SVIL: variants seen among roughly 807,000 people sequenced by gnomAD.
SVIL encodes supervillin, also known as archvillin.
A neutral mutation model predicts 240.4 loss-of-function variants in SVIL; 101 were observed. The observed-to-expected ratio is 0.42, with a 90% CI of 0.36 to 0.50. The LOEUF is 0.50. Among genes scored for constraint, SVIL ranks in the 20% least tolerant of loss-of-function variants. The pLI is 0.01. For synonymous variants in SVIL, 999 were observed against 1,100.0 expected (o/e 0.91, Z 1.82); for missense variants, 2,512 against 2,818.7 (o/e 0.89, Z 2.46).
At chr10:29,538,359 A>G (rs1951884247) in intron 6 of SVIL, among the ~76,000 whole-genome samples, 2 of 152,250 alleles carry the variant, frequency 1.3e-5, no homozygotes, top group South Asian at 2.1e-4. Flanking sequence ...CACCTGAAAT[A>G]TGAAACCAGC....
chr10:29,466,151 T>A (rs1944885417), intron 33 of SVIL, among the ~76,000 whole-genome samples: 1 of 151,962 alleles, frequency 6.6e-6, no homozygotes, highest in Admixed American at 6.6e-5. Context: ...AAAAAATATA[T>A]ATAGATACTG....
rs576319353 is a variant in SVIL, at chr10:29,484,333, T to A, written c.4955+323A>T. Among the ~76,000 whole-genome samples, 1 of 152,300 alleles carries A rather than the reference T, an allele frequency of 6.6e-6. No homozygotes were observed. The highest frequency in any genetic ancestry group is 2.1e-4 in the South Asian group (1 of 4,830). On this transcript the variant is annotated intron_variant, in intron 27 of 37. Coordinates refer to ENST00000355867, the MANE Select transcript of SVIL (RefSeq NM_021738.3). This position sits in a 1 kb window ranked among gnomAD's most constrained non-coding sequence, Gnocchi z 4.7. ...CCCGGGGAAGCCTTTCAGATCCGCATGTAATTTGTTTAAACAATTGCTGTT... is the reference window on the plus strand; with the variant it reads ...CCCGGGGAAGCCTTTCAGATCCGCAAGTAATTTGTTTAAACAATTGCTGTT...
At chr10:29,648,695 C>A (rs998060119) in intron 3 of SVIL, among the ~76,000 whole-genome samples, 3 of 152,134 alleles carry the variant, frequency 2.0e-5, no homozygotes, top group African/African-American at 2.4e-5. Flanking sequence ...GAAAGCCCTG[C>A]AGCCAAGATA....
At chr10:29,614,638 ACAT>A (rs1328277562) in intron 1 of SVIL, among the ~76,000 whole-genome samples, 1 of 152,182 alleles carries the variant, frequency 6.6e-6, no homozygotes, top group Non-Finnish European at 1.5e-5. Flanking sequence ...AGGGAGGGAA[ACAT>A]CATACACCGG....
chr10:29,597,837 C>T (rs57619104), intron 1 of SVIL, among the ~76,000 whole-genome samples: 4,153 of 151,908 alleles, frequency 0.027, 111 homozygotes, highest in Admixed American at 0.075. Context: ...GATTCACAGC[C>T]GGTAACTCAG....
At chr10:29,681,561 G>A (rs1960656731) in intron 2 of SVIL, among the ~76,000 whole-genome samples, 1 of 151,986 alleles carries the variant, frequency 6.6e-6, no homozygotes. Context: ...CTCACAAGAA[G>A]GAAATTTTAA....
chr10:29,584,827 A>C (rs1016611895), intron 1 of SVIL, among the ~76,000 whole-genome samples: 3 of 152,216 alleles, frequency 2.0e-5, no homozygotes, highest in Non-Finnish European at 4.4e-5. Context: ...AAGTGGAAAA[A>C]GAAAATTCAG....
chr10:29,533,403 G>C lies in SVIL; in HGVS notation c.964C>G (p.Leu322Val). The C allele has an allele frequency of 6.2e-7, 1 of 1,614,176 alleles. No individual in the cohort carries two copies. Among genetic ancestry groups the C allele is most frequent in the South Asian group, 1.1e-5 (1 of 91,082 alleles). The change falls in exon 8 of 38, where the codon CTC (leucine) becomes GTC (valine). Residue 322 changes from leucine to valine, a missense_variant. This residue lies in a region of SVIL where 1,443 missense variants were observed against 1,486.6 expected (regional missense o/e 0.97). Transcript: ENST00000355867. ...KEESARNSPE[L>V]ASESVTQRRH... ...CTCTGAGTTACGGACTCTGAGGCGA[G>C]TTCAGGGCTGTTTCGAGCACTTTCC...
chr10:29,727,261 T>G (rs905988523), intron 1 of SVIL, among the ~76,000 whole-genome samples: 1 of 152,180 alleles, frequency 6.6e-6, no homozygotes, highest in African/African-American at 2.4e-5. Context: ...AGAAGATTGC[T>G]GAAACAAAGA....
intron 34 of SVIL, among the ~76,000 whole-genome samples, chr10:29,465,222 T>G (rs1355884859): frequency 1.3e-5 from 2 of 152,168 alleles, no homozygotes; most frequent in Admixed American, 6.5e-5. Flanking sequence ...CTTTCTATCT[T>G]GAATGCAAAC....
chr10:29,689,584 G>A (rs1000110640), intron 1 of SVIL, among the ~76,000 whole-genome samples: 14 of 152,176 alleles, frequency 9.2e-5, no homozygotes, highest in African/African-American at 3.1e-4. Context: ...GCGCCCAGCC[G>A]AGTCTCTTTT....
chr10:29,642,417 GAGAAAGAA>G (rs71020802), intron 3 of SVIL, among the ~76,000 whole-genome samples: 20,852 of 123,354 alleles, frequency 0.17, 1,966 homozygotes, highest in East Asian at 0.22. Flanking sequence ...GAGAGAGAGT[GAGAAAGAA>G]AGAAAGAAAG....
At chr10:29,687,193 G>T (rs1024424966) in intron 1 of SVIL, among the ~76,000 whole-genome samples, 1 of 152,176 alleles carries the variant, frequency 6.6e-6, no homozygotes, top group Admixed American at 6.5e-5. Flanking sequence ...TAAAACTAAA[G>T]TCTATTCGAT....
chr10:29,552,562 C>CA (rs3031442), intron 5 of SVIL, among the ~76,000 whole-genome samples: 6,892 of 82,162 alleles, frequency 0.084, 573 homozygotes, highest in African/African-American at 0.23. Context: ...GACTCTGTCT[C>CA]AAAAAAAAAA....
intron 16 of SVIL, among the ~76,000 whole-genome samples, chr10:29,513,755 A>G (rs759647064): frequency 2.7e-4 from 41 of 152,196 alleles, no homozygotes; most frequent in Non-Finnish European, 2.5e-4. Context: ...TATCACTTCA[A>G]CTTTCCTCAG....
In SVIL at chr10:29,550,858, A is replaced by T; in HGVS notation, c.566T>A (p.Val189Glu). The change falls in exon 6 of 38, where the codon GTG (valine) becomes GAG (glutamate). Residue 189 changes from valine (V) to glutamate (E), a missense_variant. Coordinates refer to ENST00000355867, the MANE Select transcript of SVIL (RefSeq NM_021738.3). ...AGESKDYALH[V>E]GDGSSDPEVL... ...CTCCGGGTCGGAAGAGCCGTCACCC[A>T]CATGGAGGGCATAGTCCTTGGATTC... 3 of 1,613,792 alleles carry T rather than the reference A, an allele frequency of 1.9e-6. No individual in the cohort carries two copies. Among genetic ancestry groups the T allele is most frequent in the Non-Finnish European group, 2.5e-6 (3 of 1,179,948 alleles).
At chr10:29,477,405 G>A (rs762173563) in intron 29 of SVIL, among the ~76,000 whole-genome samples, 25 of 152,294 alleles carry the variant, frequency 1.6e-4, no homozygotes, top group Non-Finnish European at 3.1e-4. Context: ...AGCAGCTGTC[G>A]CGACCCTGCT....
intron 15 of SVIL, 118 bp downstream of exon 15, chr10:29,523,333 A>G (rs1433911795): frequency 3.3e-6 from 3 of 913,356 alleles, no homozygotes; most frequent in Non-Finnish European, 1.6e-6. Flanking sequence ...ACTTTTAACC[A>G]ATACTAGCTG....
At position 29,473,971 on chromosome 10, in the gene SVIL, C is replaced by T; in HGVS notation, c.5396G>A (p.Gly1799Glu). 6.2e-7 allele frequency: 1 copy of T among 1,613,712 alleles called. No individual in the cohort carries two copies. The highest frequency in any genetic ancestry group is 8.5e-7 in the Non-Finnish European group (1 of 1,179,978). ...VSTAVGSRQK[G>E]EHSVRAAGKE... ...GCCGGCTGCCCTCACCGAGTGCTCT[C>T]CCTTCTGGCGACTTCCCACTGCAAA... is the stretch of plus-strand genomic sequence containing the variant. Residue 1799 changes from glycine to glutamate, a missense_variant, in exon 30 of 38, where the codon GGA becomes GAA. Coordinates refer to ENST00000355867, the MANE Select transcript of SVIL (RefSeq NM_021738.3).
Sources: gnomAD v4.1 joint callset for allele counts (sites outside exome capture counted in the v4.1 genomes callset) on GRCh38, gnomAD v4.1.1 for gene constraint, gnomAD v4.1.1 regional missense constraint, Gnocchi (gnomAD v3.1) non-coding constraint, MANE v1.5 for transcripts, NCBI Gene and HGNC (gene_info 2026-07-23, HGNC 2026-07-21) for gene names.